The following FOXJ2 variants were observed in gnomAD, a reference collection of about 807,000 sequenced individuals.
FOXJ2 encodes forkhead box J2.
A neutral mutation model predicts 68.4 loss-of-function variants in FOXJ2; 18 were observed. The ratio of observed to expected loss-of-function variants is 0.26; its 90% CI spans 0.18 to 0.39. FOXJ2 has a LOEUF of 0.39. Among genes scored for constraint, FOXJ2 ranks in the 10% least tolerant of loss-of-function variants. The pLI, the probability that FOXJ2 is intolerant of heterozygous loss-of-function variation, is 1.00. For missense variants in FOXJ2, 670 were observed against 726.5 expected (o/e 0.92, Z 0.89); for synonymous variants, 274 against 263.2 (o/e 1.04, Z -0.40).
At chr12:8,034,027 T>C (rs2121313381) in intron 1 of FOXJ2, among the ~76,000 whole-genome samples, 194 bp downstream of exon 1, 1 of 152,260 alleles carries the variant, frequency 6.6e-6, no homozygotes, top group East Asian at 1.9e-4. Flanking sequence ...GAAATGGGTT[T>C]CTTAGTGTTT....
rs1946887697 is a variant in FOXJ2, at chr12:8,035,811, T to A, written c.-15+1978T>A. On this transcript the variant is annotated intron_variant, in intron 1 of 10. Coordinates refer to ENST00000162391, the MANE Select transcript of FOXJ2 (RefSeq NM_018416.3). The surrounding 1 kb of genome is among the most constrained non-coding windows in gnomAD (Gnocchi z 4.0). ...GACCATGTCTTATGACTACACCTAG[T>A]TCCCCCGGGAAGATAAGAGATGATA... Among the ~76,000 whole-genome samples, 1 of 152,164 alleles carries A rather than the reference T, an allele frequency of 6.6e-6. No individual in the cohort carries two copies. Among genetic ancestry groups the A allele is most frequent in the Non-Finnish European group, 1.5e-5 (1 of 68,038 alleles).
At position 8,054,089 on chromosome 12, in the gene FOXJ2, A is replaced by C. The variant is rs1947158249; in HGVS notation, c.*1239A>C. 1 of 152,206 alleles carries C rather than the reference A, an allele frequency of 6.6e-6. No individual in the cohort carries two copies. Among genetic ancestry groups the C allele is most frequent in the Admixed American group, 6.5e-5 (1 of 15,276 alleles). 9.4% of individuals were successfully genotyped at this position (152,206 alleles called of 1,614,324 possible). ...TTTAGTTCTTTAAATATATAGGCAG[A>C]TGCTTCTCTTGGAATCCAGATCATC... On this transcript the variant is annotated 3_prime_UTR_variant, in exon 11 of 11. Transcript: ENST00000162391.
At chr12:8,039,618 C>T (rs773565131) in intron 1 of FOXJ2, among the ~76,000 whole-genome samples, 2 of 152,218 alleles carry the variant, frequency 1.3e-5, no homozygotes, top group South Asian at 2.1e-4. Flanking sequence ...TGGCCCTGCT[C>T]CACAATAAGA....
intron 2 of FOXJ2, among the ~76,000 whole-genome samples, chr12:8,041,515 T>TC (rs1271006763): frequency 1.3e-5 from 2 of 151,478 alleles, no homozygotes; most frequent in African/African-American, 4.9e-5. Context: ...GCCTCTCTTT[T>TC]TTTTTTTTTT....
At position 8,040,609 on chromosome 12, in the gene FOXJ2, G is replaced by T. The variant is rs998051802; in HGVS notation, c.333+444G>T. ...GCTGATTTTTTGTATTTTTAGTAGA[G>T]ATAGGGTTTCGCTATGTTGGCCAGG... On this transcript the variant is annotated intron_variant, in intron 2 of 10. Coordinates refer to ENST00000162391, the MANE Select transcript of FOXJ2 (RefSeq NM_018416.3). This position sits in a 1 kb window ranked among gnomAD's most constrained non-coding sequence, Gnocchi z 4.0. 2.0e-5 allele frequency among the ~76,000 whole-genome samples: 3 copies of T among 151,918 alleles called. No homozygotes were observed. The highest frequency in any genetic ancestry group is 7.3e-5 in the African/African-American group (3 of 41,326).
Position 8,040,074 on chromosome 12 carries a change from C to T in FOXJ2, c.242C>T (p.Ser81Phe). Reference sequence around the variant, plus strand: ...ACTCTCATCACCTATGCCATCAACTCCTCTCCAGCCAAGAAGATGACCCTC... The same window carrying T: ...ACTCTCATCACCTATGCCATCAACTTCTCTCCAGCCAAGAAGATGACCCTC... ...YATLITYAIN[S>F]SPAKKMTLSE... The change falls in exon 2 of 11, where the codon TCC (serine) becomes TTC (phenylalanine). Residue 81 changes from serine to phenylalanine, a missense_variant. By Grantham distance (155) the Ser-to-Phe change is radical (BLOSUM62 -2). Around this residue, in one of 2 missense-constraint regions of FOXJ2, gnomAD observed 115 missense variants for 164.3 expected, o/e 0.70. Coordinates refer to ENST00000162391, the MANE Select transcript of FOXJ2 (RefSeq NM_018416.3). This position sits in a 1 kb window ranked among gnomAD's most constrained non-coding sequence, Gnocchi z 4.0. 2 of 1,614,180 alleles carry T rather than the reference C, an allele frequency of 1.2e-6. No individual in the cohort carries two copies. Among genetic ancestry groups the T allele is most frequent in the Non-Finnish European group, 1.7e-6 (2 of 1,180,044 alleles).
In FOXJ2 at chr12:8,048,057, G is replaced by A; in HGVS notation, c.993G>A (p.Gly331=). Residue 331 remains glycine (G), a synonymous_variant, in exon 7 of 11, where the codon GGG becomes GGA. Transcript: ENST00000162391. ...CTGCCCAGGGCCCCTCAGCTGTAGG[G>A]GGTGCTCCTCCACTGCACACCCCAA... ...QAPAQGPSAV[G]GAPPLHTPST... 1 of 1,612,880 alleles carries A rather than the reference G, an allele frequency of 6.2e-7. No homozygotes were observed. The highest frequency in any genetic ancestry group is 8.5e-7 in the Non-Finnish European group (1 of 1,179,202).
rs1389730752 is a variant in FOXJ2 at position 8,048,773 on chromosome 12, C to T, written c.1302C>T (p.Ser434=). Residue 434 remains serine, a synonymous_variant, in exon 8 of 11, where the codon TCC becomes TCT. Transcript: ENST00000162391. The stretch of plus-strand genomic sequence containing the variant: ...AGATGGTGAATCGGCTCAATTGGTC[C>T]AGCATTGAGCAGTCACAATTCTCAG... ...SFKMVNRLNW[S]SIEQSQFSEL... is the part of the protein sequence containing the mutation. The T allele has an allele frequency of 6.2e-7, 1 of 1,613,860 alleles. No homozygotes were observed. The highest frequency in any genetic ancestry group is 8.5e-7 in the Non-Finnish European group (1 of 1,179,906).
chr12:8,041,973 G>A (rs959951597), intron 2 of FOXJ2, among the ~76,000 whole-genome samples: 2 of 151,962 alleles, frequency 1.3e-5, no homozygotes, highest in African/African-American at 2.4e-5. Context: ...TGCCTCCTGG[G>A]TTCAAGCGAT....
chr12:8,049,668 G>A, intron 9 of FOXJ2, 97 bp downstream of exon 9: 1 of 1,146,556 alleles, frequency 8.7e-7, no homozygotes, highest in Non-Finnish European at 1.2e-6. Context: ...GATTTTATGG[G>A]GCAGTGACCC....
rs779603970 is a variant in FOXJ2 at position 8,048,089 on chromosome 12, A to G, written c.1025A>G (p.Asp342Gly). ...GAPPLHTPST[D>G]GCTPPGGKQA... ...CCTCCACTGCACACCCCAAGCACAG[A>G]TGGTTGTACCCCACCAGGGGGAAAG... Residue 342 changes from aspartate to glycine, a missense_variant, in exon 7 of 11, where the codon GAT becomes GGT. Around this residue, in one of 2 missense-constraint regions of FOXJ2, gnomAD observed 555 missense variants for 562.2 expected, o/e 0.99. Coordinates refer to ENST00000162391, the MANE Select transcript of FOXJ2 (RefSeq NM_018416.3). The G allele has an allele frequency of 6.2e-7, 1 of 1,612,168 alleles. No individual in the cohort carries two copies. Among genetic ancestry groups the G allele is most frequent in the Admixed American group, 1.7e-5 (1 of 59,886 alleles).
At position 8,035,870 on chromosome 12, in the gene FOXJ2, A is replaced by G. The variant is rs1363123398; in HGVS notation, c.-15+2037A>G. Reference sequence around the variant, plus strand: ...TTCCTTCATCCTTAGAGTCTTCCTGATCCTAGCATTAGCCAGTACTGGGTG... The same window carrying G: ...TTCCTTCATCCTTAGAGTCTTCCTGGTCCTAGCATTAGCCAGTACTGGGTG... On this transcript the variant is annotated intron_variant, in intron 1 of 10. Coordinates refer to ENST00000162391, the MANE Select transcript of FOXJ2 (RefSeq NM_018416.3). This position sits in a 1 kb window ranked among gnomAD's most constrained non-coding sequence, Gnocchi z 4.0. Among the ~76,000 whole-genome samples, 1 of 152,136 alleles carries G rather than the reference A, an allele frequency of 6.6e-6. No homozygotes were observed. The highest frequency in any genetic ancestry group is 1.5e-5 in the Non-Finnish European group (1 of 68,028).
chr12:8,050,680 T>C (rs1947105047), intron 10 of FOXJ2, 60 bp downstream of exon 10: 1 of 1,572,724 alleles, frequency 6.4e-7, no homozygotes, highest in African/African-American at 1.3e-5. Context: ...TTTGCTTTCC[T>C]TTGACTCTGA....
At chr12:8,034,520 G>A (rs150675360) in intron 1 of FOXJ2, among the ~76,000 whole-genome samples, 143 of 152,214 alleles carry the variant, frequency 9.4e-4, no homozygotes, top group African/African-American at 3.3e-3. Flanking sequence ...GCCAACTCCC[G>A]GGTTAAAGTG....
chr12:8,049,771 T>C (rs1947090414), intron 9 of FOXJ2, 200 bp downstream of exon 9: 1 of 491,262 alleles, frequency 2.0e-6, no homozygotes, highest in African/African-American at 1.9e-5. Flanking sequence ...ATAGACTGTA[T>C]GATTCCTTTT....
In FOXJ2 at chr12:8,048,144, C is replaced by T. The variant is rs772312089; in HGVS notation, c.1080C>T (p.Pro360=). Residue 360 remains proline (P), a synonymous_variant, in exon 7 of 11, where the codon CCC becomes CCT. Coordinates refer to ENST00000162391, the MANE Select transcript of FOXJ2 (RefSeq NM_018416.3). ...KQAGAEGYGP[P]PVMAMHPPPL... Reference sequence around the variant, plus strand: ...CTGGGGCGGAAGGCTATGGGCCTCCCCCTGTAATGGCCATGCATCCACCCC... The same window carrying T: ...CTGGGGCGGAAGGCTATGGGCCTCCTCCTGTAATGGCCATGCATCCACCCC... 13 of 1,613,884 alleles carry T rather than the reference C, an allele frequency of 8.1e-6. No homozygotes were observed. The Admixed American group carries it at 1.8e-4, about 23-fold the overall frequency.
In FOXJ2 at chr12:8,047,863, G is replaced by A; in HGVS notation, c.818-19G>A. ...AATGCATTGCTTAAGTCACTTGCCT[G>A]CTTCCTCCCCACCTGCAGGCTTTTC... On this transcript the variant is annotated intron_variant, in intron 6 of 10. Coordinates refer to ENST00000162391, the MANE Select transcript of FOXJ2 (RefSeq NM_018416.3). 5 of 1,553,046 alleles carry A rather than the reference G, an allele frequency of 3.2e-6. No homozygotes were observed. The highest frequency in any genetic ancestry group is 4.4e-6 in the Non-Finnish European group (5 of 1,144,882).
intron 3 of FOXJ2, 120 bp downstream of exon 3, chr12:8,042,852 C>A: frequency 1.2e-6 from 1 of 829,934 alleles, no homozygotes; most frequent in Non-Finnish European, 1.9e-6. Flanking sequence ...ATTAGAGAAG[C>A]ATCTTTATTT....
At position 8,039,925 on chromosome 12, in the gene FOXJ2, C is replaced by T; in HGVS notation, c.93C>T (p.Ser31=). The T allele has an allele frequency of 3.1e-6, 5 of 1,614,174 alleles. No individual in the cohort carries two copies. The highest frequency in any genetic ancestry group is 4.2e-6 in the Non-Finnish European group (5 of 1,180,020). ...CCATTGAGAAGCTTGGAAGTGCCTC[C>T]CAGGCTGGGCCTCCCGGGAGCAGCC... is the stretch of plus-strand genomic sequence containing the variant. ...RATIEKLGSA[S]QAGPPGSSRK... Residue 31 remains serine (S), a synonymous_variant, in exon 2 of 11, where the codon TCC becomes TCT. Transcript: ENST00000162391.
Sources: gnomAD v4.1 joint callset for allele counts (sites outside exome capture counted in the v4.1 genomes callset) on GRCh38, gnomAD v4.1.1 for gene constraint, gnomAD v4.1.1 regional missense constraint, Gnocchi (gnomAD v3.1) non-coding constraint, MANE v1.5 for transcripts, NCBI Gene and HGNC (gene_info 2026-07-23, HGNC 2026-07-21) for gene names.